HS6ST3: variants seen among roughly 807,000 people sequenced by gnomAD.
The protein encoded by HS6ST3 is heparan-sulfate 6-O-sulfotransferase 3.
In HS6ST3, 12 loss-of-function variants were observed where a neutral mutation model predicts 36.7. That is an observed-to-expected ratio of 0.33 (90% CI 0.21 to 0.53). HS6ST3 has a LOEUF of 0.53. HS6ST3 is among the 20% of genes least tolerant of loss of function. The pLI is 0.95. For missense variants in HS6ST3, 584 were observed against 640.9 expected (o/e 0.91, Z 0.96); for synonymous variants, 240 against 257.5 (o/e 0.93, Z 0.65).
chr13:96,444,890 T>C (rs2055690795), intron 1 of HS6ST3, among the ~76,000 whole-genome samples: 1 of 152,206 alleles, frequency 6.6e-6, no homozygotes, highest in Non-Finnish European at 1.5e-5. Flanking sequence ...GCTTTCTGTT[T>C]TTTCACTTTC....
At chr13:96,367,492 T>C (rs1340150091) in intron 1 of HS6ST3, among the ~76,000 whole-genome samples, 1 of 152,218 alleles carries the variant, frequency 6.6e-6, no homozygotes, top group East Asian at 1.9e-4. Flanking sequence ...AGCTGTTGAC[T>C]ATGACACTGG....
intron 1 of HS6ST3, among the ~76,000 whole-genome samples, chr13:96,337,003 A>G (rs1232385215): frequency 6.6e-6 from 1 of 152,152 alleles, no homozygotes; most frequent in Non-Finnish European, 1.5e-5. Flanking sequence ...CAACCCTGAC[A>G]TAAGTATACA....
intron 1 of HS6ST3, among the ~76,000 whole-genome samples, chr13:96,793,061 T>C (rs1566455101): frequency 6.6e-6 from 1 of 152,018 alleles, no homozygotes; most frequent in Non-Finnish European, 1.5e-5. Flanking sequence ...ATGAAACAAA[T>C]TGCTTAGCCA....
intron 1 of HS6ST3, among the ~76,000 whole-genome samples, chr13:96,220,058 G>A (rs1272549253): frequency 1.3e-5 from 2 of 152,178 alleles, no homozygotes; most frequent in African/African-American, 4.8e-5. Flanking sequence ...CATTCATTGA[G>A]CACCTCCTAT....
intron 1 of HS6ST3, among the ~76,000 whole-genome samples, chr13:96,128,492 C>T (rs1270246800): frequency 1.3e-5 from 2 of 152,164 alleles, no homozygotes; most frequent in East Asian, 3.9e-4. Context: ...GGCTCTCCTC[C>T]TTAGTTGGCT....
At chr13:96,454,410 A>G (rs1257811341) in intron 1 of HS6ST3, among the ~76,000 whole-genome samples, 1 of 152,126 alleles carries the variant, frequency 6.6e-6, no homozygotes, top group African/African-American at 2.4e-5. Flanking sequence ...TGAAAATTTG[A>G]TTTTGCTGTG....
At chr13:96,122,634 G>C (rs905941719) in intron 1 of HS6ST3, among the ~76,000 whole-genome samples, 1 of 152,142 alleles carries the variant, frequency 6.6e-6, no homozygotes, top group African/African-American at 2.4e-5. Flanking sequence ...TCAAGGGGGA[G>C]AAGATACAAT....
intron 1 of HS6ST3, among the ~76,000 whole-genome samples, chr13:96,405,098 C>A (rs1288610897): frequency 6.6e-6 from 1 of 152,170 alleles, no homozygotes; most frequent in East Asian, 1.9e-4. Context: ...TCCAATTAAA[C>A]CTCTTTCTTT....
At chr13:96,464,839 G>A (rs2055803937) in intron 1 of HS6ST3, among the ~76,000 whole-genome samples, 1 of 152,048 alleles carries the variant, frequency 6.6e-6, no homozygotes, top group Non-Finnish European at 1.5e-5. Flanking sequence ...GATTATAAAG[G>A]CAGGGTAGCC....
intron 1 of HS6ST3, among the ~76,000 whole-genome samples, chr13:96,553,694 C>T (rs1039303755): frequency 4.6e-5 from 7 of 152,218 alleles, no homozygotes; most frequent in Non-Finnish European, 1.0e-4. Context: ...AGATTAATTC[C>T]ACTAAATTAC....
intron 1 of HS6ST3, among the ~76,000 whole-genome samples, chr13:96,668,171 T>TACAC (rs575336142): frequency 2.0e-5 from 3 of 149,062 alleles, no homozygotes; most frequent in East Asian, 2.0e-4. Flanking sequence ...CACACACGCA[T>TACAC]ACACACACAC....
At chr13:96,585,700 G>A (rs1039213086) in intron 1 of HS6ST3, among the ~76,000 whole-genome samples, 3 of 152,070 alleles carry the variant, frequency 2.0e-5, no homozygotes, top group African/African-American at 7.2e-5. Flanking sequence ...AAGTGAGATC[G>A]TGCAGTATTT....
At chr13:96,105,641 T>A (rs1190385831) in intron 1 of HS6ST3, among the ~76,000 whole-genome samples, 1 of 152,062 alleles carries the variant, frequency 6.6e-6, no homozygotes, top group African/African-American at 2.4e-5. Flanking sequence ...CAGAGTGAAT[T>A]TCTGTCTCAA....
chr13:96,535,585 T>A (rs1172891052), intron 1 of HS6ST3, among the ~76,000 whole-genome samples: 2 of 148,096 alleles, frequency 1.4e-5, no homozygotes, highest in Admixed American at 6.8e-5. Flanking sequence ...AATTGGAGAA[T>A]CTTGAAATCT....
chr13:96,239,242 G>A (rs2054549019), intron 1 of HS6ST3, among the ~76,000 whole-genome samples: 1 of 152,182 alleles, frequency 6.6e-6, no homozygotes, highest in African/African-American at 2.4e-5. Flanking sequence ...TATACGCCCA[G>A]CGAATGTGTA....
intron 1 of HS6ST3, among the ~76,000 whole-genome samples, chr13:96,206,554 A>G (rs1359795099): frequency 6.6e-6 from 1 of 152,222 alleles, no homozygotes; most frequent in Non-Finnish European, 1.5e-5. Flanking sequence ...CCCAACTTCA[A>G]ACTATACTGC....
At chr13:96,632,097 G>C (rs1374550326) in intron 1 of HS6ST3, among the ~76,000 whole-genome samples, 3 of 152,156 alleles carry the variant, frequency 2.0e-5, no homozygotes, top group Non-Finnish European at 4.4e-5. Flanking sequence ...CCACCCTCCT[G>C]GGTGAGATTA....
chr13:96,647,076 G>C (rs1334927327), intron 1 of HS6ST3, among the ~76,000 whole-genome samples: 1 of 151,978 alleles, frequency 6.6e-6, no homozygotes, highest in Non-Finnish European at 1.5e-5. Flanking sequence ...ATAATTCTTA[G>C]ACTTAGGTGG....
intron 1 of HS6ST3, among the ~76,000 whole-genome samples, chr13:96,807,865 C>CAAAA (rs59485746): frequency 1.2e-5 from 1 of 86,314 alleles, no homozygotes; most frequent in African/African-American, 4.6e-5. Flanking sequence ...GACTCCAACT[C>CAAAA]AAAAAAAAAA....
Sources: allele counts gnomAD v4.1 joint callset (sites outside exome capture counted in the v4.1 genomes callset), GRCh38; gene constraint gnomAD v4.1.1; transcripts MANE v1.5; gene names NCBI Gene and HGNC (gene_info 2026-07-23, HGNC 2026-07-21).